The following MAP7 variants were observed in gnomAD, a reference collection of about 807,000 sequenced individuals.
The protein encoded by MAP7 is ensconsin.
A neutral mutation model predicts 94.8 loss-of-function variants in MAP7; 52 were observed. That is an observed-to-expected ratio of 0.55 (90% CI 0.44 to 0.69). The LOEUF (loss-of-function observed/expected upper bound fraction) is 0.69, where lower values mean the gene tolerates loss of function less well. Among genes scored for constraint, MAP7 ranks in the 30% least tolerant of loss-of-function variants. MAP7 has a pLI of 0.00. For missense variants in MAP7, 940 were observed against 964.6 expected, an observed-to-expected ratio of 0.97 and a Z score of 0.34; for synonymous variants, 350 against 357.0, an observed-to-expected ratio of 0.98 and a Z score of 0.22.
chr6:136,526,272 C>T (rs1422325311), intron 1 of MAP7: 3 of 1,071,194 alleles, frequency 2.8e-6, no homozygotes, highest in South Asian at 2.8e-5. Context: ...CACGTACACG[C>T]GCGCGCACAC....
intron 16 of MAP7, among the ~76,000 whole-genome samples, chr6:136,350,257 G>T (rs747323869): frequency 6.6e-6 from 1 of 152,128 alleles, no homozygotes; most frequent in East Asian, 1.9e-4. Context: ...AAGCTGGAGG[G>T]ATCTATAACT....
In MAP7 at chr6:136,377,820, A is replaced by G. The variant is rs1308758388; in HGVS notation, c.686T>C (p.Leu229Pro). 1 of 1,614,152 alleles carries G rather than the reference A, an allele frequency of 6.2e-7. No homozygotes were observed. The highest frequency in any genetic ancestry group is 2.2e-5 in the East Asian group (1 of 44,868). The change falls in exon 7 of 18, where the codon CTC becomes CCC. Residue 229 changes from leucine to proline, a missense_variant. Coordinates refer to ENST00000354570, the MANE Select transcript of MAP7 (RefSeq NM_003980.6). ...CAGGAACGAATGTGTGGGCGTCAGG[A>G]GTCTGTTAACAACGCTGCTCTCCCA... ...SPWESSVVNR[L>P]LTPTHSFLAR...
rs533275287 is a variant in MAP7 at position 136,405,529 on chromosome 6, G to A, written c.244+6091C>T. Among the ~76,000 whole-genome samples, 14 of 152,332 alleles carry A rather than the reference G, an allele frequency of 9.2e-5. No individual in the cohort carries two copies. The South Asian group carries it at 2.9e-3, about 32-fold the overall frequency. The stretch of plus-strand genomic sequence containing the variant: ...AAGGAACCAGCATGGCTGGAGGAGA[G>A]GGCAAAGGAGAGGACATTAGCAGGT... On this transcript the variant is annotated intron_variant, in intron 3 of 17. Coordinates refer to ENST00000354570, the MANE Select transcript of MAP7 (RefSeq NM_003980.6).
chr6:136,364,129 A>G, intron 10 of MAP7: 1 of 408,716 alleles, frequency 2.4e-6, no homozygotes, highest in South Asian at 2.0e-5. Context: ...TGCTCACACC[A>G]TGGCCTCTGT....
intron 3 of MAP7, among the ~76,000 whole-genome samples, chr6:136,401,437 A>T (rs1784049003): frequency 6.6e-6 from 1 of 152,224 alleles, no homozygotes; most frequent in Non-Finnish European, 1.5e-5. Flanking sequence ...TACACTATGG[A>T]ATACTATGCA....
intron 1 of MAP7, among the ~76,000 whole-genome samples, chr6:136,424,305 T>C (rs1178899489): frequency 6.8e-6 from 1 of 146,060 alleles, no homozygotes; most frequent in Non-Finnish European, 1.5e-5. Context: ...GTATTATTTA[T>C]TTGAATCTCT....
intron 1 of MAP7, among the ~76,000 whole-genome samples, chr6:136,469,577 C>T (rs1163715921): frequency 6.6e-6 from 1 of 151,996 alleles, no homozygotes; most frequent in Non-Finnish European, 1.5e-5. Context: ...AGGGGTTTTG[C>T]CATGTTGCCA....
intron 13 of MAP7, 37 bp downstream of exon 13, chr6:136,360,660 G>C: frequency 6.3e-7 from 1 of 1,592,876 alleles, no homozygotes; most frequent in South Asian, 1.1e-5. Context: ...AGAGGTGCAA[G>C]TTCGCGTCCC....
intron 1 of MAP7, among the ~76,000 whole-genome samples, chr6:136,549,241 C>T (rs1431369032): frequency 6.6e-6 from 1 of 152,104 alleles, no homozygotes. Flanking sequence ...ACAAATGCTT[C>T]CGATTGTGAC....
intron 11 of MAP7, among the ~76,000 whole-genome samples, chr6:136,361,722 C>A (rs1226890163): frequency 6.6e-6 from 1 of 151,936 alleles, no homozygotes; most frequent in Non-Finnish European, 1.5e-5. Context: ...CTTATTAGGC[C>A]CAGAAGATGA....
rs115582392 is a variant in MAP7 at position 136,410,684 on chromosome 6, T to C, written c.244+936A>G. On this transcript the variant is annotated intron_variant, in intron 3 of 17. Transcript: ENST00000354570. ...GTCTGAGTTGAAAGAATGTAAACAA[T>C]AGCAAAAGACTTTTGAAAACCAGCT... 4.7e-3 allele frequency among the ~76,000 whole-genome samples: 723 copies of C among 152,268 alleles called. 8 individuals carry two copies. Among genetic ancestry groups the C allele is most frequent in the African/African-American group, 0.017 (698 of 41,544 alleles).
intron 16 of MAP7, 104 bp downstream of exon 16, chr6:136,356,586 GCC>G (rs61633380): frequency 9.9e-6 from 8 of 810,602 alleles, no homozygotes; most frequent in East Asian, 2.6e-5. Flanking sequence ...AATCAATGAG[GCC>G]CCCCCCAAAT....
At chr6:136,521,531 TA>T (rs1279966597) in intron 1 of MAP7, among the ~76,000 whole-genome samples, 3 of 152,152 alleles carry the variant, frequency 2.0e-5, no homozygotes, top group African/African-American at 7.2e-5. Flanking sequence ...AGGTTTTATA[TA>T]AAAACAACAC....
At chr6:136,522,770 G>A (rs1034790482) in intron 1 of MAP7, among the ~76,000 whole-genome samples, 5 of 152,214 alleles carry the variant, frequency 3.3e-5, no homozygotes, top group South Asian at 2.1e-4. Flanking sequence ...AGTGGCTCAC[G>A]CCTGTAATCC....
chr6:136,517,941 A>G (rs2129042843), intron 1 of MAP7, among the ~76,000 whole-genome samples: 1 of 152,258 alleles, frequency 6.6e-6, no homozygotes, highest in South Asian at 2.1e-4. Flanking sequence ...TTTTACTTAG[A>G]TCTTAAGCTA....
At chr6:136,511,472 A>T (rs1258829349) in intron 1 of MAP7, among the ~76,000 whole-genome samples, 2 of 149,340 alleles carry the variant, frequency 1.3e-5, no homozygotes, top group African/African-American at 5.1e-5. Context: ...ACCCACAAAG[A>T]ACCTGTTTTT....
chr6:136,349,411 T>C (rs1788533578), intron 16 of MAP7, among the ~76,000 whole-genome samples: 1 of 152,194 alleles, frequency 6.6e-6, no homozygotes, highest in African/African-American at 2.4e-5. Context: ...TCTCACTCTG[T>C]TGCCCAAGCT....
rs565491835 is a variant in MAP7, at chr6:136,544,076, G to A, written c.67+6266C>T. 3.9e-5 allele frequency among the ~76,000 whole-genome samples: 6 copies of A among 151,902 alleles called. No homozygotes were observed. The South Asian group carries it at 6.3e-4, about 16-fold the overall frequency. On this transcript the variant is annotated intron_variant, in intron 1 of 17. Coordinates refer to ENST00000354570, the MANE Select transcript of MAP7 (RefSeq NM_003980.6). Reference sequence around the variant, plus strand: ...AGTTCGGATTACAGATGTATGCCACGACACCTGGCTAATTTTTGTATTTTC... The same window carrying A: ...AGTTCGGATTACAGATGTATGCCACAACACCTGGCTAATTTTTGTATTTTC...
At chr6:136,466,752 A>G in intron 1 of MAP7, 1 of 1,533,892 alleles carries the variant, frequency 6.5e-7, no homozygotes. Flanking sequence ...TTTGAGCCCA[A>G]GAACTTACAG....
Sources: gnomAD v4.1 joint callset for allele counts (sites outside exome capture counted in the v4.1 genomes callset) on GRCh38, gnomAD v4.1.1 for gene constraint, MANE v1.5 for transcripts, NCBI Gene and HGNC (gene_info 2026-07-23, HGNC 2026-07-21) for gene names.